Variants in DCAF5 observed in about 807,000 individuals in gnomAD.
DCAF5 encodes DDB1 and CUL4 associated factor 5, also known as DDB1- and CUL4-associated factor 5.
A neutral mutation model predicts 80.7 loss-of-function variants in DCAF5; 9 were observed. The ratio of observed to expected loss-of-function variants is 0.11; its 90% CI spans 0.07 to 0.19. DCAF5 has a LOEUF of 0.19. Among genes scored for constraint, DCAF5 ranks in the 10% least tolerant of loss-of-function variants. The pLI, the probability that DCAF5 is intolerant of heterozygous loss-of-function variation, is 1.00. For synonymous variants in DCAF5, 433 were observed against 461.9 expected (o/e 0.94, Z 0.80); for missense variants, 842 against 1,205.7 (o/e 0.70, Z 4.47).
At chr14:69,066,197 T>C (rs1300963072) in intron 7 of DCAF5, among the ~76,000 whole-genome samples, 5 of 151,610 alleles carry the variant, frequency 3.3e-5, no homozygotes, top group Non-Finnish European at 4.4e-5. Context: ...TGTAGTGGCA[T>C]GATCTCAGCT....
At chr14:69,085,054 C>G (rs970296393) in intron 6 of DCAF5, 18 of 1,222,050 alleles carry the variant, frequency 1.5e-5, no homozygotes, top group Middle Eastern at 5.5e-4. Flanking sequence ...TCTAAAATTT[C>G]TGACATTCAG....
chr14:69,078,922 GTGCAATCTCGGCTCAC>G, intron 6 of DCAF5, among the ~76,000 whole-genome samples: 1 of 152,200 alleles, frequency 6.6e-6, no homozygotes, highest in Non-Finnish European at 1.5e-5. Flanking sequence ...GAGTGCAGTG[GTGCAATCTCGGCTCAC>G]TGCAACCTCC....
At chr14:69,079,233 A>G (rs1338189870) in intron 6 of DCAF5, among the ~76,000 whole-genome samples, 1 of 152,226 alleles carries the variant, frequency 6.6e-6, no homozygotes, top group East Asian at 1.9e-4. Flanking sequence ...ATGAGAAGGG[A>G]AAACAGGATT....
intron 6 of DCAF5, among the ~76,000 whole-genome samples, chr14:69,080,061 G>A (rs534323320): frequency 2.0e-5 from 3 of 152,224 alleles, no homozygotes; most frequent in East Asian, 1.9e-4. Flanking sequence ...TTCCAGGAGA[G>A]CAGACAGAGT....
chr14:69,079,618 A>G (rs2039025579), intron 6 of DCAF5, among the ~76,000 whole-genome samples: 1 of 152,102 alleles, frequency 6.6e-6, no homozygotes, highest in Non-Finnish European at 1.5e-5. Flanking sequence ...ACTGCTGACT[A>G]TAAGGACAGA....
chr14:69,060,113 G>A (rs546373440), intron 8 of DCAF5, among the ~76,000 whole-genome samples: 2 of 152,212 alleles, frequency 1.3e-5, no homozygotes, highest in East Asian at 1.9e-4. Flanking sequence ...CAACAGGCCC[G>A]GAGAGGACAC....
chr14:69,145,517 A>C (rs973019383), intron 1 of DCAF5, among the ~76,000 whole-genome samples: 9 of 152,198 alleles, frequency 5.9e-5, no homozygotes, highest in Non-Finnish European at 1.3e-4. Flanking sequence ...TGAAAATAAA[A>C]AAAAAAATTT....
At chr14:69,076,510 A>G (rs538726201) in intron 6 of DCAF5, among the ~76,000 whole-genome samples, 11 of 152,264 alleles carry the variant, frequency 7.2e-5, no homozygotes, top group Non-Finnish European at 1.5e-4. Context: ...CCGTGACGTT[A>G]TACTAAATGA....
At chr14:69,056,134 A>G (rs957590690) in intron 8 of DCAF5, among the ~76,000 whole-genome samples, 1 of 152,158 alleles carries the variant, frequency 6.6e-6, no homozygotes, top group Admixed American at 6.5e-5. Context: ...CTTCTGCCCA[A>G]CTGCAACATT....
intron 6 of DCAF5, among the ~76,000 whole-genome samples, chr14:69,086,396 T>C (rs774415335): frequency 3.3e-5 from 5 of 150,330 alleles, no homozygotes; most frequent in Non-Finnish European, 5.9e-5. Flanking sequence ...AAAAACATAA[T>C]AGTGGATATG....
rs534058042 is a variant in DCAF5, at chr14:69,063,532, C to G, written c.947-1021G>C. ...TACTCAAGGGATCCCCTCTTAGTCC[C>G]TACCAGGAGCATGGCGCCACTAGGC... On this transcript the variant is annotated intron_variant, in intron 7 of 8. Transcript: ENST00000341516. 1.4e-3 allele frequency among the ~76,000 whole-genome samples: 214 copies of G among 152,340 alleles called. 5 individuals are homozygous for G. The South Asian group carries it at 0.028, about 20-fold the overall frequency.
chr14:69,153,065 C>G lies in DCAF5; in HGVS notation c.-87G>C, dbSNP rs914405635. On this transcript the variant is annotated 5_prime_UTR_variant, in exon 1 of 9. Transcript: ENST00000341516. ...CTGCTCCCCCCACCCGGCCCTCCCC[C>G]CGCGCTGCGATCCGGATGGTTCTTT... 5.6e-6 allele frequency: 6 copies of G among 1,070,712 alleles called. No homozygotes were observed. Among genetic ancestry groups the G allele is most frequent in the East Asian group, 6.2e-5 (2 of 32,312 alleles). The allele number at this position is 1,070,712 out of a possible 1,614,324, so 66.3% of individuals were successfully genotyped here. A position where few individuals can be genotyped will look rare whatever the true frequency, so the allele number is the denominator to read the frequency against.
chr14:69,101,826 GGTAA>G (rs1055385042), intron 5 of DCAF5, among the ~76,000 whole-genome samples: 15 of 151,984 alleles, frequency 9.9e-5, no homozygotes, highest in East Asian at 5.8e-4. Context: ...TAACACAATG[GGTAA>G]GTATTTGTGT....
chr14:69,085,104 CA>C, intron 6 of DCAF5: 1 of 858,840 alleles, frequency 1.2e-6, no homozygotes, highest in Middle Eastern at 3.5e-4. Context: ...CTACTTTTTT[CA>C]TAAGTCAGCT....
Position 69,129,380 on chromosome 14 carries a change from G to A in DCAF5, c.215-7020C>T, listed in dbSNP as rs887185324. On this transcript the variant is annotated intron_variant, in intron 1 of 8. Transcript: ENST00000341516. ...ATGCAAAGGCAATCTTCAAGTATGCGTTGGCAGAAAAACAACCAGTACAAA... is the reference window on the plus strand; with the variant it reads ...ATGCAAAGGCAATCTTCAAGTATGCATTGGCAGAAAAACAACCAGTACAAA... 4.6e-5 allele frequency among the ~76,000 whole-genome samples: 7 copies of A among 152,152 alleles called. No individual in the cohort carries two copies. The South Asian group carries it at 1.0e-3, about 23-fold the overall frequency.
At chr14:69,080,193 C>T (rs1398464778) in intron 6 of DCAF5, among the ~76,000 whole-genome samples, 1 of 151,978 alleles carries the variant, frequency 6.6e-6, no homozygotes, top group Non-Finnish European at 1.5e-5. Flanking sequence ...ATCATAAGAG[C>T]AGCTAGAAAG....
Position 69,118,188 on chromosome 14 carries a change from T to G in DCAF5, c.486A>C (p.Ser162=). ...PVNDNIFASS[S]DDGRVLIWDI... is the part of the protein sequence containing the mutation. ...CCCAAATGAGAACCCGGCCATCATC[T>G]GAGGAACTGGCAAAAATGTTGTCAT... Residue 162 remains serine (S), a synonymous_variant, in exon 4 of 9, where the codon TCA becomes TCC. Transcript: ENST00000341516. The surrounding 1 kb of genome is among the most constrained non-coding windows in gnomAD (Gnocchi z 4.0). 3.1e-6 allele frequency: 5 copies of G among 1,614,020 alleles called. No homozygotes were observed. The highest frequency in any genetic ancestry group is 4.2e-6 in the Non-Finnish European group (5 of 1,179,908).
intron 5 of DCAF5, 54 bp from the exon 6 acceptor site, chr14:69,091,941 G>T: frequency 6.8e-7 from 1 of 1,465,654 alleles, no homozygotes; most frequent in Non-Finnish European, 9.4e-7. Context: ...ACAAGAGTCT[G>T]AAAAACACAT....
intron 5 of DCAF5, among the ~76,000 whole-genome samples, chr14:69,105,138 TAA>T (rs2040092181): frequency 6.6e-6 from 1 of 152,138 alleles, no homozygotes; most frequent in Non-Finnish European, 1.5e-5. Context: ...CTCCTAGGTG[TAA>T]TATACCCAAA....
Sources: allele counts gnomAD v4.1 joint callset (sites outside exome capture counted in the v4.1 genomes callset), GRCh38; gene constraint gnomAD v4.1.1; non-coding constraint Gnocchi (gnomAD v3.1); transcripts MANE v1.5; gene names NCBI Gene and HGNC (gene_info 2026-07-23, HGNC 2026-07-21).